The following LMTK2 variants were observed in gnomAD, a reference collection of about 807,000 sequenced individuals.
The protein encoded by LMTK2 is serine/threonine-protein kinase LMTK2.
In LMTK2, 37 loss-of-function variants were observed where a neutral mutation model predicts 127.5. The observed-to-expected ratio is 0.29, with a 90% CI of 0.22 to 0.38. LMTK2 has a LOEUF of 0.38. LMTK2 is among the 10% of genes least tolerant of loss of function. LMTK2 has a pLI of 1.00. For missense variants in LMTK2, 1,694 were observed against 1,920.3 expected, an observed-to-expected ratio of 0.88 and a Z score of 2.20; for synonymous variants, 819 against 810.1, an observed-to-expected ratio of 1.01 and a Z score of -0.19.
intron 11 of LMTK2, among the ~76,000 whole-genome samples, chr7:98,195,850 C>T (rs554964858): frequency 1.3e-5 from 2 of 152,214 alleles, no homozygotes; most frequent in African/African-American, 4.8e-5. Context: ...TTAAATCACC[C>T]GCATTTGAGC....
intron 7 of LMTK2, among the ~76,000 whole-genome samples, chr7:98,178,700 G>A (rs990367804): frequency 4.6e-5 from 7 of 152,200 alleles, no homozygotes; most frequent in East Asian, 1.9e-4. Flanking sequence ...AGCTTTGCAC[G>A]TTATTGGGCT....
rs552686478 is a variant in LMTK2 at position 98,115,385 on chromosome 7, C to T, written c.103+8105C>T. Among the ~76,000 whole-genome samples the T allele has an allele frequency of 9.6e-4, 144 of 150,700 alleles. 2 individuals carry two copies. The highest frequency in any genetic ancestry group is 2.3e-3 in the South Asian group (11 of 4,740). ...GAGCCGAGATCATGCCATTGCACAC[C>T]AGCCTGGGCGACAGAGCGAGACTCA... On this transcript the variant is annotated intron_variant, in intron 1 of 13. Transcript: ENST00000297293.
At chr7:98,142,092 T>C (rs1422352556) in intron 3 of LMTK2, among the ~76,000 whole-genome samples, 5 of 152,218 alleles carry the variant, frequency 3.3e-5, no homozygotes, top group African/African-American at 1.2e-4. Context: ...GAACTTTTTG[T>C]GGTCTTAAGA....
chr7:98,144,655 A>G (rs1248720249), intron 3 of LMTK2, among the ~76,000 whole-genome samples: 5 of 151,766 alleles, frequency 3.3e-5, no homozygotes, highest in African/African-American at 7.3e-5. Context: ...AAGACTTTTT[A>G]TAGAGAAGTT....
intron 3 of LMTK2, 120 bp downstream of exon 3, chr7:98,141,661 C>G: frequency 1.0e-6 from 1 of 969,474 alleles, no homozygotes; most frequent in South Asian, 1.6e-5. Context: ...TCTCTTCCTT[C>G]TGCTCCCAGT....
intron 7 of LMTK2, among the ~76,000 whole-genome samples, chr7:98,181,745 G>A (rs890685611): frequency 1.1e-4 from 16 of 152,072 alleles, no homozygotes; most frequent in African/African-American, 3.1e-4. Flanking sequence ...TGCAACCTCC[G>A]CCTCCTGGGT....
chr7:98,137,176 A>G, intron 1 of LMTK2, 139 bp from the exon 2 acceptor site: 3 of 728,880 alleles, frequency 4.1e-6, no homozygotes, highest in Admixed American at 3.1e-5. Context: ...CTTATCCTGG[A>G]TGGATCATCA....
intron 3 of LMTK2, among the ~76,000 whole-genome samples, chr7:98,145,572 G>A (rs1367488924): frequency 1.3e-5 from 2 of 152,158 alleles, no homozygotes; most frequent in Non-Finnish European, 2.9e-5. Flanking sequence ...ATAGATTGCT[G>A]TGGTTTTTCA....
chr7:98,158,608 G>A (rs950402108), intron 5 of LMTK2, among the ~76,000 whole-genome samples: 1 of 150,458 alleles, frequency 6.6e-6, no homozygotes, highest in African/African-American at 2.4e-5. Context: ...AAATAATGCA[G>A]TAGTAAAAAA....
rs1418440535 is a variant in LMTK2, at chr7:98,192,744, A to G, written c.2279A>G (p.Glu760Gly). 6.2e-7 allele frequency: 1 copy of G among 1,613,408 alleles called. No individual in the cohort carries two copies. Reference protein sequence around the residue: ...KNAGFTEAMLETSCRNSLDTE... With the variant: ...KNAGFTEAMLGTSCRNSLDTE... ...GCTGGTTTTACTGAAGCTATGTTAGAAACGTCATGTAGAAACTCTTTAGAT... is the reference window on the plus strand; with the variant it reads ...GCTGGTTTTACTGAAGCTATGTTAGGAACGTCATGTAGAAACTCTTTAGAT... The change falls in exon 11 of 14, where the codon GAA becomes GGA. Residue 760 changes from glutamate (E) to glycine (G), a missense_variant. Transcript: ENST00000297293.
chr7:98,170,546 C>CT (rs1296756244), intron 6 of LMTK2, among the ~76,000 whole-genome samples: 3 of 141,346 alleles, frequency 2.1e-5, no homozygotes, highest in Admixed American at 7.0e-5. Context: ...TTTTTTTTTT[C>CT]TTTTTTTTCC....
intron 6 of LMTK2, among the ~76,000 whole-genome samples, chr7:98,169,259 A>G (rs1797150231): frequency 6.6e-6 from 1 of 152,230 alleles, no homozygotes; most frequent in Non-Finnish European, 1.5e-5. Context: ...TTTGCCTGGA[A>G]TGTACTGATT....
intron 7 of LMTK2, among the ~76,000 whole-genome samples, chr7:98,182,778 T>C (rs1211109464): frequency 2.6e-5 from 4 of 152,220 alleles, no homozygotes; most frequent in Non-Finnish European, 5.9e-5. Flanking sequence ...AGAGATAATT[T>C]GTACACCCAT....
chr7:98,193,712 A>G lies in LMTK2; in HGVS notation c.3247A>G (p.Arg1083Gly). 6.2e-7 allele frequency: 1 copy of G among 1,613,890 alleles called. No homozygotes were observed. The highest frequency in any genetic ancestry group is 8.5e-7 in the Non-Finnish European group (1 of 1,179,990). ...CATCTCAGATGCCGGCGATGGTCACAGAGGCACAGAAGTGACCCCTGAGAC... is the reference window on the plus strand; with the variant it reads ...CATCTCAGATGCCGGCGATGGTCACGGAGGCACAGAAGTGACCCCTGAGAC... The part of the protein sequence containing the change: ...IVISDAGDGH[R>G]GTEVTPETFT... The change falls in exon 11 of 14, where the codon AGA becomes GGA. Residue 1083 changes from arginine (R) to glycine (G), a missense_variant. Around this residue, in one of 8 missense-constraint regions of LMTK2, gnomAD observed 554 missense variants for 567.7 expected, o/e 0.98. Coordinates refer to ENST00000297293, the MANE Select transcript of LMTK2 (RefSeq NM_014916.4). This position sits in a 1 kb window ranked among gnomAD's most constrained non-coding sequence, Gnocchi z 4.1.
rs769065195 is a variant in LMTK2 at position 98,204,149 on chromosome 7, C to T, written c.4446C>T (p.Ser1482=). The T allele has an allele frequency of 6.2e-7, 1 of 1,610,122 alleles. No individual in the cohort carries two copies. Among genetic ancestry groups the T allele is most frequent in the African/African-American group, 1.3e-5 (1 of 74,890 alleles). Residue 1482 remains serine, a synonymous_variant, in exon 13 of 14, where the codon TCC becomes TCT. Transcript: ENST00000297293. The stretch of plus-strand genomic sequence containing the variant: ...CTCCCGCCAACATTGCCAGCTTTTC[C>T]CTCACACACCTGACCGACTCGGACA... The part of the protein sequence containing the change: ...SISPANIASF[S]LTHLTDSDIE...
At chr7:98,195,493 C>A (rs907647458) in intron 11 of LMTK2, among the ~76,000 whole-genome samples, 8 of 151,530 alleles carry the variant, frequency 5.3e-5, no homozygotes, top group African/African-American at 1.5e-4. Flanking sequence ...AAAAAAAGTT[C>A]TTTTCATACT....
chr7:98,143,127 T>A (rs1476573294), intron 3 of LMTK2, among the ~76,000 whole-genome samples: 1 of 152,182 alleles, frequency 6.6e-6, no homozygotes, highest in Non-Finnish European at 1.5e-5. Context: ...GAAATTATGG[T>A]GACCTGGGCA....
chr7:98,178,039 A>T (rs10279396), intron 7 of LMTK2, among the ~76,000 whole-genome samples: 1 of 152,142 alleles, frequency 6.6e-6, no homozygotes, highest in Non-Finnish European at 1.5e-5. Context: ...TTCACCTCTC[A>T]TCAGCTTTAC....
chr7:98,170,865 T>TG (rs1337609516), intron 6 of LMTK2, among the ~76,000 whole-genome samples: 1 of 152,122 alleles, frequency 6.6e-6, no homozygotes, highest in Non-Finnish European at 1.5e-5. Flanking sequence ...GTCATGGCCA[T>TG]GTGCTGGGCA....
Sources: allele counts gnomAD v4.1 joint callset (sites outside exome capture counted in the v4.1 genomes callset), GRCh38; gene constraint gnomAD v4.1.1; regional missense constraint gnomAD v4.1.1; non-coding constraint Gnocchi (gnomAD v3.1); transcripts MANE v1.5; gene names NCBI Gene and HGNC (gene_info 2026-07-23, HGNC 2026-07-21).